PIK3R1: variants seen among roughly 807,000 people sequenced by gnomAD.
The protein encoded by PIK3R1 is phosphatidylinositol 3-kinase regulatory subunit alpha.
PIK3R1 carries 29 observed loss-of-function variants against 98.0 expected under a neutral mutation model. That is an observed-to-expected ratio of 0.30 (90% CI 0.22 to 0.40). The LOEUF (loss-of-function observed/expected upper bound fraction) is 0.40, where lower values mean the gene tolerates loss of function less well. Ranked by LOEUF, PIK3R1 falls within the 10% of genes least tolerant of loss-of-function variation. The pLI, the probability that PIK3R1 is intolerant of heterozygous loss-of-function variation, is 1.00. For synonymous variants in PIK3R1, 282 were observed against 311.8 expected (o/e 0.90, Z 1.01); for missense variants, 596 against 872.7 (o/e 0.68, Z 3.99).
At chr5:68,258,198 G>C (rs1417704697) in intron 2 of PIK3R1, among the ~76,000 whole-genome samples, 2 of 152,182 alleles carry the variant, frequency 1.3e-5, no homozygotes, top group Non-Finnish European at 2.9e-5. Context: ...ATCCTCCATA[G>C]CTCGTGGGGA....
chr5:68,255,022 G>T (rs990790093), intron 2 of PIK3R1, among the ~76,000 whole-genome samples: 2 of 152,188 alleles, frequency 1.3e-5, no homozygotes, highest in African/African-American at 4.8e-5. Flanking sequence ...CTGCTCAGAG[G>T]CTGCACTTAC....
chr5:68,222,737 G>C (rs989392564), intron 1 of PIK3R1, among the ~76,000 whole-genome samples: 2 of 152,170 alleles, frequency 1.3e-5, no homozygotes, highest in Non-Finnish European at 2.9e-5. Flanking sequence ...CTGTCTGAGA[G>C]AGTTAAAGAG....
chr5:68,235,104 A>G (rs547723432), intron 2 of PIK3R1, among the ~76,000 whole-genome samples: 1 of 152,066 alleles, frequency 6.6e-6, no homozygotes, highest in Non-Finnish European at 1.5e-5. Context: ...TATTCTATTT[A>G]AAAAAATAAT....
chr5:68,241,453 TA>T (rs1162823126), intron 2 of PIK3R1, among the ~76,000 whole-genome samples: 3 of 151,976 alleles, frequency 2.0e-5, no homozygotes, highest in East Asian at 1.9e-4. Context: ...TTCCTTTTCT[TA>T]AATACATGCA....
At chr5:68,252,282 A>G (rs1030976576) in intron 2 of PIK3R1, among the ~76,000 whole-genome samples, 1 of 151,910 alleles carries the variant, frequency 6.6e-6, no homozygotes, top group African/African-American at 2.4e-5. Flanking sequence ...TGTGTCTTTC[A>G]TTACTCCGCT....
chr5:68,262,501 TCTATATATGTATAC>T (rs1745811321), intron 2 of PIK3R1, among the ~76,000 whole-genome samples: 1 of 136,230 alleles, frequency 7.3e-6, no homozygotes, highest in Non-Finnish European at 1.6e-5. Context: ...TATACATATA[TCTATATATGTATAC>T]ATATAGATAC....
At chr5:68,216,114 A>G (rs372774985) in intron 1 of PIK3R1, among the ~76,000 whole-genome samples, 165 bp downstream of exon 1, 1 of 151,694 alleles carries the variant, frequency 6.6e-6, no homozygotes, top group East Asian at 2.0e-4. Context: ...CGCCTCCGGC[A>G]TCTCCTGGCC....
At chr5:68,264,351 C>T (rs915275740) in intron 2 of PIK3R1, among the ~76,000 whole-genome samples, 15 of 152,182 alleles carry the variant, frequency 9.9e-5, no homozygotes, top group Admixed American at 6.5e-5. Context: ...TGGCATCATG[C>T]AGTTTGTCTG....
chr5:68,217,195 G>A (rs1027441683), intron 1 of PIK3R1, among the ~76,000 whole-genome samples: 2 of 152,148 alleles, frequency 1.3e-5, no homozygotes, highest in African/African-American at 4.8e-5. Flanking sequence ...TTGGTGTGAT[G>A]AGGCTCAAGT....
At chr5:68,273,863 C>T in intron 3 of PIK3R1, 76 bp from the exon 4 acceptor site, 1 of 1,107,232 alleles carries the variant, frequency 9.0e-7, no homozygotes, top group Non-Finnish European at 1.4e-6. Context: ...ACTGGAATGT[C>T]TCTGGCAGCA....
In PIK3R1 at chr5:68,280,551, A is replaced by T. The variant is rs756172158; in HGVS notation, c.658A>T (p.Ile220Phe). ...APEVQSSEEY[I>F]QLLKKLIRSP... ...AGAAGTACAAAGCTCCGAAGAATAT[A>T]TTCAGCTATTGAAGAAGCTTATTAG... The change falls in exon 6 of 16, where the codon ATT becomes TTT. Residue 220 changes from isoleucine (I) to phenylalanine (F), a missense_variant. By Grantham distance (21) the Ile-to-Phe change is conservative. Coordinates refer to ENST00000521381, the MANE Select transcript of PIK3R1 (RefSeq NM_181523.3). The T allele has an allele frequency of 6.2e-7, 1 of 1,609,316 alleles. No individual in the cohort carries two copies. Among genetic ancestry groups the T allele is most frequent in the South Asian group, 1.1e-5 (1 of 90,944 alleles).
At chr5:68,247,355 T>G (rs1745138822) in intron 2 of PIK3R1, among the ~76,000 whole-genome samples, 1 of 152,196 alleles carries the variant, frequency 6.6e-6, no homozygotes, top group Non-Finnish European at 1.5e-5. Flanking sequence ...CTTTCTGCCT[T>G]TCTTTCCACC....
At chr5:68,269,024 C>T (rs991074909) in intron 2 of PIK3R1, among the ~76,000 whole-genome samples, 8 of 152,162 alleles carry the variant, frequency 5.3e-5, no homozygotes, top group African/African-American at 4.8e-5. Context: ...AATGCAGCAT[C>T]GGATGTGTCA....
chr5:68,257,443 T>TTGGC (rs888845247), intron 2 of PIK3R1, among the ~76,000 whole-genome samples: 1 of 152,078 alleles, frequency 6.6e-6, no homozygotes, highest in African/African-American at 2.4e-5. Flanking sequence ...TTTTACCCCT[T>TTGGC]TGGCTGGCTG....
chr5:68,259,470 G>T (rs1257292951), intron 2 of PIK3R1, among the ~76,000 whole-genome samples: 1 of 152,148 alleles, frequency 6.6e-6, no homozygotes, highest in Non-Finnish European at 1.5e-5. Flanking sequence ...CTGCTAGAAG[G>T]CATGACTATG....
At position 68,226,462 on chromosome 5, in the gene PIK3R1, C is replaced by T. The variant is rs889854257; in HGVS notation, c.-214C>T. 1 of 515,320 alleles carries T rather than the reference C, an allele frequency of 1.9e-6. No homozygotes were observed. Among genetic ancestry groups the T allele is most frequent in the Admixed American group, 3.3e-5 (1 of 30,078 alleles). 31.9% of individuals were successfully genotyped at this position (515,320 alleles called of 1,614,324 possible). On this transcript the variant is annotated 5_prime_UTR_variant, in exon 2 of 16. Coordinates refer to ENST00000521381, the MANE Select transcript of PIK3R1 (RefSeq NM_181523.3). ...CTGTGGCACGCAGAGGAAGTGGAGC[C>T]CTGTCTTCGGTCACACCATTGATGG...
At chr5:68,260,975 TC>T (rs1203006730) in intron 2 of PIK3R1, among the ~76,000 whole-genome samples, 5 of 152,298 alleles carry the variant, frequency 3.3e-5, no homozygotes, top group African/African-American at 1.2e-4. Flanking sequence ...AAACCACCTA[TC>T]CCCTGGGTTA....
At chr5:68,242,839 G>A (rs1744920572) in intron 2 of PIK3R1, among the ~76,000 whole-genome samples, 1 of 152,184 alleles carries the variant, frequency 6.6e-6, no homozygotes, top group South Asian at 2.1e-4. Context: ...CCCCTGGTTT[G>A]TATTTAGTCA....
At chr5:68,256,611 T>G (rs572100463) in intron 2 of PIK3R1, among the ~76,000 whole-genome samples, 1 of 152,328 alleles carries the variant, frequency 6.6e-6, no homozygotes, top group Admixed American at 6.5e-5. Context: ...TGAAGTTGAT[T>G]GTTGTTGAAG....
Sources: allele counts gnomAD v4.1 joint callset (sites outside exome capture counted in the v4.1 genomes callset), GRCh38; gene constraint gnomAD v4.1.1; transcripts MANE v1.5; gene names NCBI Gene and HGNC (gene_info 2026-07-23, HGNC 2026-07-21).